NHS: variants seen among roughly 807,000 people sequenced by gnomAD.
NHS encodes the protein NHS actin remodeling regulator, also known as actin remodeling regulator NHS.
In NHS, 5 loss-of-function variants were observed where a neutral mutation model predicts 72.5. The observed-to-expected ratio is 0.07, with a 90% CI of 0.04 to 0.14. The LOEUF is 0.14. Ranked by LOEUF, NHS falls within the 10% of genes least tolerant of loss-of-function variation. NHS has a pLI of 1.00. For missense variants in NHS, 1,072 were observed against 1,355.7 expected (o/e 0.79, Z 3.29); for synonymous variants, 464 against 547.7 (o/e 0.85, Z 2.13).
intron 3 of NHS, among the ~76,000 whole-genome samples, chrX:17,703,603 G>A (rs2066278992): frequency 8.9e-6 from 1 of 112,271 alleles, no homozygotes. Context: ...GAGAAGCCAG[G>A]AAGCCAATAT....
chrX:17,488,675 C>T (rs1208416390), intron 1 of NHS, among the ~76,000 whole-genome samples: 1 of 111,817 alleles, frequency 8.9e-6, no homozygotes, highest in African/African-American at 3.2e-5. Flanking sequence ...ATATGTGCTT[C>T]TTATTAACCC....
chrX:17,657,652 C>T (rs1429815173), intron 1 of NHS, among the ~76,000 whole-genome samples: 1 of 112,683 alleles, frequency 8.9e-6, no homozygotes, highest in Non-Finnish European at 1.9e-5. Context: ...TCATCCATTC[C>T]CGGGTGAGGC....
chrX:17,433,094 A>G (rs2064701690), intron 1 of NHS, among the ~76,000 whole-genome samples: 2 of 108,937 alleles, frequency 1.8e-5, no homozygotes, highest in African/African-American at 6.7e-5. Context: ...CAGTGGCGCA[A>G]TCTCGGCTCA....
At chrX:17,411,135 ATC>A (rs1468161231) in intron 1 of NHS, among the ~76,000 whole-genome samples, 1 of 112,324 alleles carries the variant, frequency 8.9e-6, no homozygotes, top group Admixed American at 9.4e-5. Context: ...GTGAATGATC[ATC>A]TCTTATTCAT....
At chrX:17,450,856 A>G (rs896024820) in intron 1 of NHS, among the ~76,000 whole-genome samples, 1 of 111,557 alleles carries the variant, frequency 9.0e-6, no homozygotes, top group African/African-American at 3.3e-5. Flanking sequence ...AGCCTGGGCA[A>G]CAAGAGAGAA....
intron 1 of NHS, among the ~76,000 whole-genome samples, chrX:17,680,681 T>C (rs748692584): frequency 1.4e-3 from 156 of 112,367 alleles, no homozygotes; most frequent in Non-Finnish European, 2.6e-3. Context: ...AGTTTTAAAA[T>C]GCTAGTCTTG....
chrX:17,725,466 A>G lies in NHS; in HGVS notation c.1360A>G (p.Ile454Val). 1 of 1,211,794 alleles carries G rather than the reference A, an allele frequency of 8.3e-7. No individual in the cohort carries two copies. Among genetic ancestry groups the G allele is most frequent in the Non-Finnish European group, 1.1e-6 (1 of 895,542 alleles). ...GGACTCTGAGTGCCAAACCGAGGAT[A>G]TTCTGATTGCTGCCCCATCCAGAAG... is the stretch of plus-strand genomic sequence containing the variant. ...TRDSECQTED[I>V]LIAAPSRRRI... Residue 454 changes from isoleucine to valine, a missense_variant, in exon 7 of 9, where the codon ATT (isoleucine) becomes GTT (valine). Transcript: ENST00000676302.
chrX:17,564,986 T>TTTTTTTTTTTTTTTTTC (rs2065435592), intron 1 of NHS, among the ~76,000 whole-genome samples: 1 of 109,737 alleles, frequency 9.1e-6, no homozygotes, highest in African/African-American at 3.4e-5. Flanking sequence ...TTTATTTATT[T>TTTTTTTTTTTTTTTTTC]TTTTTTTTTG....
chrX:17,492,049 GTCTA>G (rs1202313889), intron 1 of NHS, among the ~76,000 whole-genome samples: 21 of 110,457 alleles, frequency 1.9e-4, no homozygotes, highest in African/African-American at 6.9e-4. Context: ...CTGGCTTACA[GTCTA>G]TCTATTTTGT....
intron 1 of NHS, among the ~76,000 whole-genome samples, chrX:17,398,884 T>C (rs1182360175): frequency 1.8e-5 from 2 of 111,971 alleles, no homozygotes; most frequent in African/African-American, 6.5e-5. Context: ...CTGGAGAATT[T>C]CAAGGTTTTT....
At chrX:17,655,099 G>T in intron 1 of NHS, among the ~76,000 whole-genome samples, 1 of 112,163 alleles carries the variant, frequency 8.9e-6, no homozygotes. Flanking sequence ...GGGACGCAAT[G>T]TCACATTTTT....
At chrX:17,508,949 G>A (rs1470305896) in intron 1 of NHS, among the ~76,000 whole-genome samples, 1 of 111,772 alleles carries the variant, frequency 8.9e-6, no homozygotes, top group Admixed American at 9.5e-5. Context: ...GAAGGTAAGG[G>A]GTTGGAGATA....
chrX:17,574,557 G>T (rs2065499409), intron 1 of NHS, among the ~76,000 whole-genome samples: 1 of 111,926 alleles, frequency 8.9e-6, no homozygotes, highest in African/African-American at 3.3e-5. Flanking sequence ...AATGAGAAAA[G>T]CGCAGTATTT....
intron 1 of NHS, among the ~76,000 whole-genome samples, chrX:17,661,929 A>G (rs1569303298): frequency 8.9e-6 from 1 of 112,028 alleles, no homozygotes; most frequent in Non-Finnish European, 1.9e-5. Flanking sequence ...GGACAATTCT[A>G]CAGGGCCATC....
intron 1 of NHS, among the ~76,000 whole-genome samples, chrX:17,448,657 T>C (rs2064792951): frequency 8.9e-6 from 1 of 111,996 alleles, no homozygotes; most frequent in Non-Finnish European, 1.9e-5. Flanking sequence ...CTCTCCTTGT[T>C]TTACACTTCC....
chrX:17,666,654 GTGAA>G (rs201506112), intron 1 of NHS, among the ~76,000 whole-genome samples: 9,398 of 111,826 alleles, frequency 0.084, 971 homozygotes, highest in African/African-American at 0.29. Context: ...GAATGAATGA[GTGAA>G]TGAATGAATG....
intron 1 of NHS, among the ~76,000 whole-genome samples, chrX:17,509,718 G>A (rs993363557): frequency 8.9e-6 from 1 of 112,148 alleles, no homozygotes; most frequent in Non-Finnish European, 1.9e-5. Flanking sequence ...CAGCTTAAAG[G>A]TAGACAATCC....
intron 1 of NHS, among the ~76,000 whole-genome samples, chrX:17,598,399 C>T (rs2065634710): frequency 8.9e-6 from 1 of 112,613 alleles, no homozygotes; most frequent in Admixed American, 9.3e-5. Flanking sequence ...CTTAACTCTT[C>T]TTTAGTCTCC....
intron 1 of NHS, among the ~76,000 whole-genome samples, chrX:17,389,520 T>C (rs2064429476): frequency 8.9e-6 from 1 of 111,924 alleles, no homozygotes. Context: ...ATCAGGTTTT[T>C]GACAAGGATA....
Sources: gnomAD v4.1 joint callset for allele counts (sites outside exome capture counted in the v4.1 genomes callset) on GRCh38, gnomAD v4.1.1 for gene constraint, MANE v1.5 for transcripts, NCBI Gene and HGNC (gene_info 2026-07-23, HGNC 2026-07-21) for gene names.